Variants in CPM observed in about 807,000 individuals in gnomAD.
CPM encodes carboxypeptidase M.
A neutral mutation model predicts 46.4 loss-of-function variants in CPM; 35 were observed. The observed-to-expected ratio is 0.75, with a 90% confidence interval of 0.58 to 1.00. The LOEUF is 1.00. Among genes scored for constraint, CPM ranks in the 50% least tolerant of loss-of-function variants. CPM has a pLI of 0.00. For missense variants in CPM, 422 were observed against 530.4 expected, an observed-to-expected ratio of 0.80 and a Z score of 2.01; for synonymous variants, 195 against 195.3, an observed-to-expected ratio of 1.00 and a Z score of 0.01.
intron 1 of CPM, among the ~76,000 whole-genome samples, chr12:68,960,496 C>A (rs1487701758): frequency 6.6e-6 from 1 of 152,122 alleles, no homozygotes; most frequent in Admixed American, 6.5e-5. Context: ...TCAGTATGAC[C>A]ATTGTGTATA....
At chr12:68,945,708 A>G (rs1888834992) in intron 1 of CPM, among the ~76,000 whole-genome samples, 1 of 152,192 alleles carries the variant, frequency 6.6e-6, no homozygotes, top group African/African-American at 2.4e-5. Context: ...TCTTAGCTTC[A>G]GGAGTCCTTG....
At chr12:68,943,261 A>G (rs1478709136) in intron 1 of CPM, among the ~76,000 whole-genome samples, 1 of 152,172 alleles carries the variant, frequency 6.6e-6, no homozygotes, top group African/African-American at 2.4e-5. Flanking sequence ...AACTCATGGT[A>G]TTGATCTTAG....
intron 1 of CPM, among the ~76,000 whole-genome samples, chr12:68,946,947 TA>T (rs1430545709): frequency 3.9e-5 from 6 of 152,214 alleles, no homozygotes; most frequent in African/African-American, 1.4e-4. Context: ...AGCAACGTTT[TA>T]AGCAAAAAAT....
chr12:68,950,839 G>C (rs1888922339), intron 1 of CPM, among the ~76,000 whole-genome samples: 1 of 152,196 alleles, frequency 6.6e-6, no homozygotes, highest in Non-Finnish European at 1.5e-5. Flanking sequence ...TCTGTCTGGA[G>C]GCCCAGCTCT....
At chr12:68,860,231 T>C (rs1294161377) in intron 7 of CPM, among the ~76,000 whole-genome samples, 1 of 152,164 alleles carries the variant, frequency 6.6e-6, no homozygotes, top group East Asian at 1.9e-4. Context: ...AAATGCCACA[T>C]TTCCTTCTCC....
chr12:68,883,066 A>G (rs1886265828), intron 3 of CPM, among the ~76,000 whole-genome samples: 1 of 152,208 alleles, frequency 6.6e-6, no homozygotes, highest in South Asian at 2.1e-4. Context: ...TTTTAAAAAT[A>G]GTGTGGCCAA....
chr12:68,852,750 TG>T lies in CPM; in HGVS notation c.*3686del, dbSNP rs1884774440. On this transcript the variant is annotated 3_prime_UTR_variant, in exon 9 of 9. Coordinates refer to ENST00000551568, the MANE Select transcript of CPM (RefSeq NM_198320.5). ...TTTTTGTATTTTTTTTTAGTAGAGA[TG>T]GGGTTTCACCGTGTTGGCCAGGCTG... is the stretch of plus-strand genomic sequence containing the variant. 6.6e-6 allele frequency: 1 copy of T among 151,766 alleles called. No individual in the cohort carries two copies. The highest frequency in any genetic ancestry group is 1.9e-4 in the East Asian group (1 of 5,168). 9.4% of individuals were successfully genotyped at this position (151,766 alleles called of 1,614,324 possible). A position where few individuals can be genotyped will look rare whatever the true frequency, so the allele number is the denominator to read the frequency against.
chr12:68,847,544 C>G (rs559091360), downstream of CPM: 56 of 144,898 alleles, frequency 3.9e-4, no homozygotes, highest in African/African-American at 1.4e-3. Flanking sequence ...AGCTCCGCCT[C>G]CCAGGTTCAC....
At chr12:68,948,682 A>T (rs1888886302) in intron 1 of CPM, among the ~76,000 whole-genome samples, 1 of 152,216 alleles carries the variant, frequency 6.6e-6, no homozygotes, top group African/African-American at 2.4e-5. Flanking sequence ...AGTCTCAATG[A>T]TTAGACTCTC....
At chr12:68,931,763 A>AAAAAAG (rs1482981614) in intron 2 of CPM, among the ~76,000 whole-genome samples, 6,000 of 131,368 alleles carry the variant, frequency 0.046, 238 homozygotes, top group Non-Finnish European at 0.062. Flanking sequence ...AAAAAAAAAA[A>AAAAAAG]AAAGAAAGAA....
chr12:68,899,448 G>C (rs746482309), intron 2 of CPM, among the ~76,000 whole-genome samples: 18 of 152,150 alleles, frequency 1.2e-4, no homozygotes, highest in Non-Finnish European at 1.9e-4. Context: ...TTTCTTTCAT[G>C]GCCTGTTCTC....
rs1884971865 is a variant in CPM, at chr12:68,856,416, G to A, written c.*21C>T. Reference sequence around the variant, plus strand: ...ATCCCTGATTCCAGGTGGTGATGTGGGTTGAGTTTCACATTTTACTTTATT... The same window carrying A: ...ATCCCTGATTCCAGGTGGTGATGTGAGTTGAGTTTCACATTTTACTTTATT... On this transcript the variant is annotated 3_prime_UTR_variant, in exon 9 of 9. Coordinates refer to ENST00000551568, the MANE Select transcript of CPM (RefSeq NM_198320.5). 6.2e-7 allele frequency: 1 copy of A among 1,606,644 alleles called. No homozygotes were observed. Among genetic ancestry groups the A allele is most frequent in the Non-Finnish European group, 8.5e-7 (1 of 1,175,788 alleles).
chr12:68,962,836 A>T (rs1010026460), intron 1 of CPM, among the ~76,000 whole-genome samples: 1 of 152,236 alleles, frequency 6.6e-6, no homozygotes, highest in Admixed American at 6.5e-5. Context: ...ATTCCTTTCT[A>T]TTGATAATAA....
chr12:68,886,649 T>C (rs982267125), intron 2 of CPM, among the ~76,000 whole-genome samples: 1 of 152,018 alleles, frequency 6.6e-6, no homozygotes, highest in Non-Finnish European at 1.5e-5. Context: ...AATAAATAAA[T>C]AAATAAAATT....
rs1022586205 is a variant in CPM at position 68,853,038 on chromosome 12, C to T, written c.*3399G>A. On this transcript the variant is annotated 3_prime_UTR_variant, in exon 9 of 9. Coordinates refer to ENST00000551568, the MANE Select transcript of CPM (RefSeq NM_198320.5). ...GTTGGGCAGGGAGGTGGCTTGGGTACCTGGTTTGACCACAGTTAGAATATC... is the reference window on the plus strand; with the variant it reads ...GTTGGGCAGGGAGGTGGCTTGGGTATCTGGTTTGACCACAGTTAGAATATC... The T allele has an allele frequency of 2.6e-5, 4 of 152,216 alleles. No individual in the cohort carries two copies. The highest frequency in any genetic ancestry group is 6.6e-5 in the Admixed American group (1 of 15,256). 9.4% of individuals were successfully genotyped at this position (152,216 alleles called of 1,614,324 possible).
At chr12:68,929,326 T>C (rs1888407837) in intron 2 of CPM, among the ~76,000 whole-genome samples, 2 of 152,114 alleles carry the variant, frequency 1.3e-5, no homozygotes, top group Admixed American at 6.5e-5. Flanking sequence ...AATAAATAGA[T>C]ATAGATTATT....
intron 2 of CPM, among the ~76,000 whole-genome samples, chr12:68,916,315 C>G (rs940144161): frequency 5.9e-5 from 9 of 152,066 alleles, no homozygotes; most frequent in African/African-American, 2.2e-4. Flanking sequence ...TCTGTGTGAT[C>G]TGTGCTCTGT....
In CPM at chr12:68,918,246, G is replaced by A. The variant is rs542238878; in HGVS notation, c.160+14432C>T. On this transcript the variant is annotated intron_variant, in intron 2 of 8. Transcript: ENST00000551568. ...TCTATCAGACTAACTGTGTGACGGTGCTATAGCTCGATTCTGGCCTTCTTT... is the reference window on the plus strand; with the variant it reads ...TCTATCAGACTAACTGTGTGACGGTACTATAGCTCGATTCTGGCCTTCTTT... 6.7e-4 allele frequency among the ~76,000 whole-genome samples: 102 copies of A among 152,196 alleles called. No homozygotes were observed. The Middle Eastern group carries it at 0.01, about 15-fold the overall frequency.
intron 2 of CPM, among the ~76,000 whole-genome samples, chr12:68,895,028 C>CAA (rs35142646): frequency 0.02 from 1,533 of 77,328 alleles, 52 homozygotes; most frequent in Non-Finnish European, 0.027. Context: ...GACTCAGTCT[C>CAA]AAAAAAAAAA....
Sources: allele counts gnomAD v4.1 joint callset (sites outside exome capture counted in the v4.1 genomes callset), GRCh38; gene constraint gnomAD v4.1.1; transcripts MANE v1.5; gene names NCBI Gene and HGNC (gene_info 2026-07-23, HGNC 2026-07-21).